Variants in EFNB1 observed in about 807,000 individuals in gnomAD.
The protein encoded by EFNB1 is ephrin-B1.
In EFNB1, 1 loss-of-function variant was observed where a neutral mutation model predicts 18.1. The observed-to-expected ratio is 0.06, with a 90% CI of 0.02 to 0.26. The LOEUF (loss-of-function observed/expected upper bound fraction) is 0.26. EFNB1 is among the 10% of genes least tolerant of loss of function. The pLI is 1.00. For synonymous variants in EFNB1, 131 were observed against 127.5 expected (o/e 1.03, Z -0.19); for missense variants, 221 against 301.8 (o/e 0.73, Z 1.98).
At chrX:68,837,645 C>G (rs1453769755) in intron 1 of EFNB1, among the ~76,000 whole-genome samples, 1 of 112,130 alleles carries the variant, frequency 8.9e-6, no homozygotes, top group African/African-American at 3.2e-5. Context: ...GGGCTGCTGA[C>G]CCTCCCTGCT....
intron 1 of EFNB1, among the ~76,000 whole-genome samples, chrX:68,837,614 G>A (rs1047722575): frequency 3.6e-5 from 4 of 112,517 alleles, no homozygotes; most frequent in Non-Finnish European, 7.5e-5. Flanking sequence ...CAAGGACAGA[G>A]TCCTATGGAT....
chrX:68,837,345 G>A (rs1219556760), intron 1 of EFNB1, among the ~76,000 whole-genome samples: 2 of 111,552 alleles, frequency 1.8e-5, no homozygotes, highest in Non-Finnish European at 3.8e-5. Context: ...TGTGCTAGGT[G>A]TTCTCCATGT....
chrX:68,835,661 G>C (rs182655691), intron 1 of EFNB1, among the ~76,000 whole-genome samples: 1 of 111,410 alleles, frequency 9.0e-6, no homozygotes, highest in Admixed American at 9.5e-5. Flanking sequence ...ATCAGGCTCC[G>C]CTCCCTTCTG....
In EFNB1 at chrX:68,829,649, CT is replaced by C; in HGVS notation, c.-126del. On this transcript the variant is annotated 5_prime_UTR_variant, in exon 1 of 5. Transcript: ENST00000204961. ...CACCGAAGCCGGCGGGAGGGGAGCA[CT>C]TCAAGGCCGGCGGCTGCGGAGGATG... 1 of 1,105,937 alleles carries C rather than the reference CT, an allele frequency of 9.0e-7. No homozygotes were observed. The highest frequency in any genetic ancestry group is 1.2e-6 in the Non-Finnish European group (1 of 829,065). The allele number at this position is 1,105,937 out of a possible 1,213,427, so 91.1% of individuals were successfully genotyped here. A position where few individuals can be genotyped will look rare whatever the true frequency, so the allele number is the denominator to read the frequency against.
intron 1 of EFNB1, among the ~76,000 whole-genome samples, chrX:68,835,331 G>A (rs963370531): frequency 3.6e-5 from 4 of 111,372 alleles, no homozygotes; most frequent in Admixed American, 1.9e-4. Context: ...GGTGGCCCCA[G>A]ACAGAAAAGC....
intron 1 of EFNB1, among the ~76,000 whole-genome samples, chrX:68,834,932 T>G (rs1344359403): frequency 8.9e-6 from 1 of 112,339 alleles, no homozygotes; most frequent in Admixed American, 9.3e-5. Flanking sequence ...TGTATTCACA[T>G]GGGTGGAGAA....
chrX:68,842,150 A>T lies in EFNB1; in HGVS notation c.*1496A>T, dbSNP rs1284004832. 2 of 112,153 alleles carry T rather than the reference A, an allele frequency of 1.8e-5. No individual in the cohort carries two copies. Among genetic ancestry groups the T allele is most frequent in the Non-Finnish European group, 3.8e-5 (2 of 53,092 alleles). 9.2% of individuals were successfully genotyped at this position (112,153 alleles called of 1,213,427 possible). A position where few individuals can be genotyped will look rare whatever the true frequency, so the allele number is the denominator to read the frequency against. ...AAATGAGAACTAAAAAAAAAAAATT[A>T]ACCACATGGAGAAATGGGTGTAAAA... On this transcript the variant is annotated 3_prime_UTR_variant, in exon 5 of 5. Transcript: ENST00000204961.
intron 1 of EFNB1, among the ~76,000 whole-genome samples, chrX:68,830,153 T>A (rs995821495): frequency 9.0e-6 from 1 of 111,156 alleles, no homozygotes; most frequent in African/African-American, 3.3e-5. Context: ...TTGGATGAAG[T>A]CGAGGTGGTC....
chrX:68,836,079 C>T (rs2080460070), intron 1 of EFNB1, among the ~76,000 whole-genome samples: 1 of 111,691 alleles, frequency 9.0e-6, no homozygotes, highest in African/African-American at 3.3e-5. Context: ...GTTTTAGGGC[C>T]TCTTAGACCC....
rs1436818178 is a variant in EFNB1 at position 68,829,756 on chromosome X, G to A, written c.-21G>A. The A allele has an allele frequency of 8.5e-7, 1 of 1,182,805 alleles. No individual in the cohort carries two copies. Among genetic ancestry groups the A allele is most frequent in the Non-Finnish European group, 1.1e-6 (1 of 881,225 alleles). The stretch of plus-strand genomic sequence containing the variant: ...TGAGGAGGCGCCAAGGGATCCCGAA[G>A]TGCAGTCTGCCCCCGGGAAGATGGC... On this transcript the variant is annotated 5_prime_UTR_variant, in exon 1 of 5. It adds an upstream start codon to the 5' untranslated region. Transcript: ENST00000204961.
rs1044255052 is a variant in EFNB1, at chrX:68,829,879, G to A, written c.103G>A (p.Val35Ile). 1.7e-6 allele frequency: 2 copies of A among 1,168,241 alleles called. No homozygotes were observed. The highest frequency in any genetic ancestry group is 2.6e-5 in the Admixed American group (1 of 38,847). Residue 35 changes from valine (V) to isoleucine (I), a missense_variant, in exon 1 of 5, where the codon GTA becomes ATA. By Grantham distance (29) the Val-to-Ile change is conservative (BLOSUM62 3). Coordinates refer to ENST00000204961, the MANE Select transcript of EFNB1 (RefSeq NM_004429.5). ...ATPLAKNLEP[V>I]SWSSLNPKFL... ...ACCGCTGGCCAAGAACCTGGAGCCC[G>A]TATCCTGGAGCTCCCTCAACCCCAA...
rs1430734982 is a variant in EFNB1, at chrX:68,840,875, G to A, written c.*221G>A. ...TCTTGTGCCTTCCCCCTCTGGCCAG[G>A]CCTCTGGGCTCCGTGGGGGCGCCCC... On this transcript the variant is annotated 3_prime_UTR_variant, in exon 5 of 5. Coordinates refer to ENST00000204961, the MANE Select transcript of EFNB1 (RefSeq NM_004429.5). The A allele has an allele frequency of 2.3e-6, 1 of 439,711 alleles. No homozygotes were observed. Among genetic ancestry groups the A allele is most frequent in the Non-Finnish European group, 3.9e-6 (1 of 255,584 alleles). The allele number at this position is 439,711 out of a possible 1,213,427, so 36.2% of individuals were successfully genotyped here. A position where few individuals can be genotyped will look rare whatever the true frequency, so the allele number is the denominator to read the frequency against.
chrX:68,832,811 CGTGTGTGT>C lies in EFNB1; in HGVS notation c.128+2930_128+2937del, dbSNP rs3085479. Among the ~76,000 whole-genome samples, 353 of 97,370 alleles carry C rather than the reference CGTGTGTGT, an allele frequency of 3.6e-3. 1 individual carries two copies. Among genetic ancestry groups the C allele is most frequent in the African/African-American group, 5.7e-3 (147 of 25,606 alleles). 84.6% of individuals were successfully genotyped at this position (97,370 alleles called of 115,157 possible). On this transcript the variant is annotated intron_variant, in intron 1 of 4. Coordinates refer to ENST00000204961, the MANE Select transcript of EFNB1 (RefSeq NM_004429.5). ...TTTTTTTTAGGAACCTCTGTGTGTG[CGTGTGTGT>C]GTGTGTGTGTGTGTGTGTGTGTCTG...
intron 1 of EFNB1, among the ~76,000 whole-genome samples, chrX:68,833,654 C>A (rs776101733): frequency 4.6e-4 from 51 of 112,057 alleles, no homozygotes; most frequent in African/African-American, 1.5e-3. Flanking sequence ...GCTCACCAGC[C>A]ACATTCTGGG....
At position 68,838,605 on chromosome X, in the gene EFNB1, C is replaced by T. The variant is rs1291262812; in HGVS notation, c.129-12C>T. On this transcript the variant is annotated splice_polypyrimidine_tract_variant and intron_variant, in intron 1 of 4. Coordinates refer to ENST00000204961, the MANE Select transcript of EFNB1 (RefSeq NM_004429.5). The stretch of plus-strand genomic sequence containing the variant: ...CAACCCTGAGGCTGACCATCTTCTT[C>T]CTTCTGGGCAGGTTCCTGAGTGGGA... 1 of 1,211,721 alleles carries T rather than the reference C, an allele frequency of 8.3e-7. No homozygotes were observed. Among genetic ancestry groups the T allele is most frequent in the Non-Finnish European group, 1.1e-6 (1 of 895,477 alleles).
intron 1 of EFNB1, among the ~76,000 whole-genome samples, chrX:68,836,685 T>C (rs2080461565): frequency 8.9e-6 from 1 of 112,180 alleles, no homozygotes; most frequent in African/African-American, 3.2e-5. Flanking sequence ...ATGGAACCAC[T>C]CTTTTCTCAG....
intron 1 of EFNB1, among the ~76,000 whole-genome samples, 167 bp downstream of exon 1, chrX:68,830,071 C>G (rs1035565892): frequency 9.3e-6 from 1 of 107,471 alleles, no homozygotes; most frequent in African/African-American, 3.4e-5. Context: ...GAGCAGGGTG[C>G]GGCGGGGTGG....
intron 1 of EFNB1, among the ~76,000 whole-genome samples, chrX:68,838,256 A>G (rs2080467407): frequency 9.1e-6 from 1 of 109,871 alleles, no homozygotes; most frequent in African/African-American, 3.3e-5. Flanking sequence ...GGGTGGGGGT[A>G]TATAAGACTG....
chrX:68,837,196 C>T (rs184331372), intron 1 of EFNB1, among the ~76,000 whole-genome samples: 2 of 111,970 alleles, frequency 1.8e-5, no homozygotes, highest in East Asian at 5.6e-4. Context: ...AAGTCCTTGA[C>T]GATGGAGCCA....
Sources: allele counts gnomAD v4.1 joint callset (sites outside exome capture counted in the v4.1 genomes callset), GRCh38; gene constraint gnomAD v4.1.1; transcripts MANE v1.5; gene names NCBI Gene and HGNC (gene_info 2026-07-23, HGNC 2026-07-21).